BSN: variants seen among roughly 807,000 people sequenced by gnomAD.
BSN encodes bassoon presynaptic cytomatrix protein.
A neutral mutation model predicts 264.8 loss-of-function variants in BSN; 57 were observed. That is an observed-to-expected ratio of 0.22 (90% CI 0.17 to 0.27). BSN has a LOEUF of 0.27. BSN is among the 10% of genes least tolerant of loss of function. BSN has a pLI of 1.00. For synonymous variants in BSN, 2,059 were observed against 2,137.3 expected (o/e 0.96, Z 1.01); for missense variants, 4,615 against 5,232.5 (o/e 0.88, Z 3.64).
At chr3:49,575,345 C>CTCTG (rs1035111181) in intron 1 of BSN, among the ~76,000 whole-genome samples, 1 of 150,462 alleles carries the variant, frequency 6.6e-6, no homozygotes, top group African/African-American at 2.4e-5. Flanking sequence ...GAGAGTGAGA[C>CTCTG]TCTGTCTCAA....
rs1279683291 is a variant in BSN at position 49,654,334 on chromosome 3, G to T, written c.4778G>T (p.Gly1593Val). Residue 1593 changes from glycine to valine, a missense_variant, in exon 5 of 12, where the codon GGC (glycine) becomes GTC (valine). This residue lies in a region of BSN where 3,415 missense variants were observed against 3,866.4 expected (regional missense o/e 0.88). Transcript: ENST00000296452. The surrounding 1 kb of genome is among the most constrained non-coding windows in gnomAD (Gnocchi z 4.1). ...ACTGAAACCCAGCCCACCACCCATG[G>T]CTACAGCCAGACAACACCTCCGAGT... is the stretch of plus-strand genomic sequence containing the variant. ...SPTETQPTTH[G>V]YSQTTPPSVS... is the part of the protein sequence containing the mutation. The T allele has an allele frequency of 1.1e-5, 18 of 1,613,442 alleles. No homozygotes were observed. Among genetic ancestry groups the T allele is most frequent in the Non-Finnish European group, 1.5e-5 (18 of 1,179,880 alleles).
intron 1 of BSN, 148 bp downstream of exon 1, chr3:49,554,974 C>T: frequency 4.4e-6 from 2 of 458,970 alleles, no homozygotes; most frequent in Non-Finnish European, 6.8e-6. Context: ...ACTGGGTGGT[C>T]GCGGGAAGCG....
Position 49,652,139 on chromosome 3 carries a change from C to T in BSN, c.2583C>T (p.Asp861=). The T allele has an allele frequency of 6.2e-7, 1 of 1,614,038 alleles. No individual in the cohort carries two copies. Among genetic ancestry groups the T allele is most frequent in the Non-Finnish European group, 8.5e-7 (1 of 1,179,932 alleles). Residue 861 remains aspartate (D), a synonymous_variant, in exon 5 of 12, where the codon GAC becomes GAT. Transcript: ENST00000296452. ...AGGAAGACAACCTGGAGGAGGATGA[C>T]ACTGCCACCTCCGGGCGTGGCCTGG... The part of the protein sequence containing the change: ...SAEEDNLEED[D]TATSGRGLAK...
intron 1 of BSN, among the ~76,000 whole-genome samples, chr3:49,613,973 C>T (rs1327388350): frequency 6.6e-6 from 1 of 151,724 alleles, no homozygotes; most frequent in Non-Finnish European, 1.5e-5. Context: ...GTAACCTCAC[C>T]ACTACTTACT....
intron 1 of BSN, among the ~76,000 whole-genome samples, chr3:49,594,702 G>A (rs928514060): frequency 1.3e-5 from 2 of 151,978 alleles, no homozygotes; most frequent in Admixed American, 1.3e-4. Flanking sequence ...GTTTTTCTAT[G>A]TCTGTAAAAA....
At chr3:49,623,117 C>T (rs2052317578) in intron 1 of BSN, among the ~76,000 whole-genome samples, 1 of 152,126 alleles carries the variant, frequency 6.6e-6, no homozygotes, top group Non-Finnish European at 1.5e-5. Context: ...CCTCATCTTC[C>T]CCCTGAAATG....
intron 1 of BSN, among the ~76,000 whole-genome samples, chr3:49,592,802 A>G (rs1480212425): frequency 2.0e-5 from 3 of 152,008 alleles, no homozygotes; most frequent in Non-Finnish European, 2.9e-5. Flanking sequence ...ATTTTGCCCA[A>G]TTTTTCGCAG....
Position 49,664,790 on chromosome 3 carries a change from T to A in BSN, c.11741-9T>A, listed in dbSNP as rs2052699901. ...TTCCTGATGGCTCTCTCCTCTTTCT[T>A]TGTCACAGCTGTCTCTGCTTTTGGC... On this transcript the variant is annotated splice_polypyrimidine_tract_variant and intron_variant, in intron 9 of 11. Transcript: ENST00000296452. 6.2e-7 allele frequency: 1 copy of A among 1,613,782 alleles called. No homozygotes were observed. The highest frequency in any genetic ancestry group is 1.7e-5 in the Admixed American group (1 of 60,002).
At chr3:49,555,792 T>A (rs1575422381) in intron 1 of BSN, among the ~76,000 whole-genome samples, 1 of 151,810 alleles carries the variant, frequency 6.6e-6, no homozygotes, top group Non-Finnish European at 1.5e-5. Flanking sequence ...CCCCAGGGGG[T>A]GGGAGGGAGG....
At position 49,663,346 on chromosome 3, in the gene BSN, T is replaced by A. The variant is rs781258083; in HGVS notation, c.11188T>A (p.Ser3730Thr). The A allele has an allele frequency of 1.9e-6, 3 of 1,613,638 alleles. No individual in the cohort carries two copies. In the East Asian group the frequency reaches 6.7e-5, roughly 36 times the overall value. Residue 3730 changes from serine (S) to threonine (T), a missense_variant, in exon 7 of 12, where the codon TCC (serine) becomes ACC (threonine). By Grantham distance (58) the Ser-to-Thr change is moderately conservative. Transcript: ENST00000296452. ...DSKKGSRQAHSGPAALQSKAE... is the reference protein window; with the variant it reads ...DSKKGSRQAHTGPAALQSKAE... ...CAAGAAGGGCTCCCGGCAAGCCCAC[T>A]CCGGGCCCGCTGCACTGCAGTCAAA...
chr3:49,661,597 G>T lies in BSN; in HGVS notation c.9752G>T (p.Ser3251Ile), dbSNP rs749577265. ...GACAGCACCTCTACTGCTCCTGATA[G>T]CCAACGGCTGGAGCCCCTGGGGCCA... Reference protein sequence around the residue: ...TKDSTSTAPDSQRLEPLGPGS... With the variant: ...TKDSTSTAPDIQRLEPLGPGS... The change falls in exon 6 of 12, where the codon AGC becomes ATC. Residue 3251 changes from serine (S) to isoleucine (I), a missense_variant. Around this residue, in one of 3 missense-constraint regions of BSN, gnomAD observed 3,415 missense variants for 3,866.4 expected, o/e 0.88. Transcript: ENST00000296452. 1 of 1,613,744 alleles carries T rather than the reference G, an allele frequency of 6.2e-7. No individual in the cohort carries two copies. Among genetic ancestry groups the T allele is most frequent in the Non-Finnish European group, 8.5e-7 (1 of 1,180,036 alleles).
Position 49,670,513 on chromosome 3 carries a change from C to G in BSN, c.*3028C>G, listed in dbSNP as rs1383663202. 1 of 152,308 alleles carries G rather than the reference C, an allele frequency of 6.6e-6. No homozygotes were observed. The highest frequency in any genetic ancestry group is 1.5e-5 in the Non-Finnish European group (1 of 68,080). 9.4% of individuals were successfully genotyped at this position (152,308 alleles called of 1,614,324 possible). A position where few individuals can be genotyped will look rare whatever the true frequency, so the allele number is the denominator to read the frequency against. On this transcript the variant is annotated 3_prime_UTR_variant, in exon 12 of 12. Coordinates refer to ENST00000296452, the MANE Select transcript of BSN (RefSeq NM_003458.4). ...CTCTGTGAAGGTGGCTGGAGCAGGC[C>G]TCTGGTCCATGGACTGTCCTTCCTG... is the stretch of plus-strand genomic sequence containing the variant.
intron 2 of BSN, among the ~76,000 whole-genome samples, chr3:49,626,936 G>A (rs2108059455): frequency 6.6e-6 from 1 of 152,384 alleles, no homozygotes; most frequent in East Asian, 1.9e-4. Flanking sequence ...CCTTCAATGA[G>A]GTGGGAAGGG....
At chr3:49,646,380 T>C (rs1457633595) in intron 3 of BSN, among the ~76,000 whole-genome samples, 1 of 152,202 alleles carries the variant, frequency 6.6e-6, no homozygotes, top group Non-Finnish European at 1.5e-5. Flanking sequence ...ACCAGTCTCT[T>C]ATTATATCAT....
chr3:49,661,001 G>A lies in BSN; in HGVS notation c.9156G>A (p.Gln3052=), dbSNP rs1217131594. The A allele has an allele frequency of 2.5e-6, 4 of 1,610,872 alleles. No individual in the cohort carries two copies. The highest frequency in any genetic ancestry group is 2.5e-6 in the Non-Finnish European group (3 of 1,179,898). ...CCCCCTCTGGTCCCACTGCCTTCCAGCAGCCCCGCTTCCAGCCTCCAGCCC... is the reference window on the plus strand; with the variant it reads ...CCCCCTCTGGTCCCACTGCCTTCCAACAGCCCCGCTTCCAGCCTCCAGCCC... ...PATPSGPTAF[Q]QPRFQPPAPQ... Residue 3052 remains glutamine, a synonymous_variant, in exon 6 of 12, where the codon CAG becomes CAA. Transcript: ENST00000296452.
intron 1 of BSN, among the ~76,000 whole-genome samples, chr3:49,604,425 AT>A (rs2052095148): frequency 6.6e-6 from 1 of 152,146 alleles, no homozygotes; most frequent in South Asian, 2.1e-4. Context: ...ATCTCTATGA[AT>A]TTGACAATTC....
intron 1 of BSN, among the ~76,000 whole-genome samples, chr3:49,603,802 G>A (rs1420057257): frequency 6.6e-6 from 1 of 151,872 alleles, no homozygotes; most frequent in Non-Finnish European, 1.5e-5. Flanking sequence ...AACCATTTTT[G>A]CCACCCCAAA....
intron 1 of BSN, among the ~76,000 whole-genome samples, chr3:49,605,469 A>ATATT (rs2052111863): frequency 1.5e-4 from 1 of 6,834 alleles, no homozygotes; most frequent in African/African-American, 5.2e-4. Context: ...TATTATATAT[A>ATATT]ATATATATTA....
chr3:49,673,109 T>TTTTTTTTTTTTTTTTTTTTTC (rs1559625271), downstream of BSN, among the ~76,000 whole-genome samples: 1 of 135,008 alleles, frequency 7.4e-6, no homozygotes, highest in Non-Finnish European at 1.6e-5. Flanking sequence ...TTTTTTTTTT[T>TTTTTTTTTTTTTTTTTTTTTC]TTTTTTACTT....
Sources: gnomAD v4.1 joint callset for allele counts (sites outside exome capture counted in the v4.1 genomes callset) on GRCh38, gnomAD v4.1.1 for gene constraint, gnomAD v4.1.1 regional missense constraint, Gnocchi (gnomAD v3.1) non-coding constraint, MANE v1.5 for transcripts, NCBI Gene and HGNC (gene_info 2026-07-23, HGNC 2026-07-21) for gene names.